PLXNA4: variants seen among roughly 807,000 people sequenced by gnomAD.
PLXNA4 encodes the protein plexin-A4.
Under a neutral mutation model 191.8 loss-of-function variants are expected in PLXNA4, and 44 were observed. The observed-to-expected ratio is 0.23, with a 90% CI of 0.18 to 0.29. The LOEUF is 0.29. PLXNA4 is among the 10% of genes least tolerant of loss of function. PLXNA4 has a pLI of 1.00. For missense variants in PLXNA4, 1,800 were observed against 2,488.8 expected (o/e 0.72, Z 5.89); for synonymous variants, 1,082 against 1,009.5 (o/e 1.07, Z -1.36).
chr7:132,410,840 G>A (rs1253430230), intron 3 of PLXNA4, among the ~76,000 whole-genome samples: 1 of 152,116 alleles, frequency 6.6e-6, no homozygotes, highest in Admixed American at 6.5e-5. Context: ...CCACCCATCT[G>A]TCCATTCCCC....
intron 3 of PLXNA4, among the ~76,000 whole-genome samples, chr7:132,390,537 C>T (rs990589226): frequency 5.9e-5 from 9 of 151,982 alleles, no homozygotes; most frequent in Non-Finnish European, 1.2e-4. Context: ...GCACGTTCTG[C>T]ATATATACCC....
intron 4 of PLXNA4, among the ~76,000 whole-genome samples, chr7:132,265,766 T>C (rs1471078011): frequency 6.6e-6 from 1 of 152,138 alleles, no homozygotes; most frequent in African/African-American, 2.4e-5. Context: ...ACTATGACCC[T>C]GCCAGCCACA....
intron 24 of PLXNA4, among the ~76,000 whole-genome samples, chr7:132,163,096 G>A (rs1795998563): frequency 6.6e-6 from 1 of 152,156 alleles, no homozygotes; most frequent in Non-Finnish European, 1.5e-5. Flanking sequence ...GGTGCCACTT[G>A]CATATCACCC....
At chr7:132,533,648 C>A (rs1167442603) in intron 1 of PLXNA4, among the ~76,000 whole-genome samples, 1 of 152,240 alleles carries the variant, frequency 6.6e-6, no homozygotes, top group Non-Finnish European at 1.5e-5. Context: ...CTGCCCTGCC[C>A]ACCTCGGGGA....
chr7:132,368,660 C>T (rs932808202), intron 3 of PLXNA4, among the ~76,000 whole-genome samples: 8 of 152,216 alleles, frequency 5.3e-5, no homozygotes, highest in Non-Finnish European at 1.2e-4. Context: ...CTCAAAGACA[C>T]CTGCTCTGGG....
intron 24 of PLXNA4, among the ~76,000 whole-genome samples, chr7:132,160,203 T>C (rs1035818589): frequency 6.6e-6 from 1 of 152,166 alleles, no homozygotes; most frequent in African/African-American, 2.4e-5. Flanking sequence ...ATTCACCTGA[T>C]TAGAGGTTGG....
intron 3 of PLXNA4, chr7:132,484,959 C>T (rs1797491354): frequency 1.2e-6 from 2 of 1,614,042 alleles, no homozygotes; most frequent in Non-Finnish European, 1.7e-6. Flanking sequence ...GGTGGGTCTC[C>T]CTCCACTCCA....
intron 3 of PLXNA4, among the ~76,000 whole-genome samples, chr7:132,453,038 G>A (rs964383149): frequency 3.3e-5 from 5 of 152,136 alleles, no homozygotes; most frequent in South Asian, 2.1e-4. Flanking sequence ...AGGGAGCCAC[G>A]CACCACGTTC....
At chr7:132,235,753 C>T (rs10245678) in intron 5 of PLXNA4, among the ~76,000 whole-genome samples, 22,750 of 152,048 alleles carry the variant, frequency 0.15, 1,814 homozygotes, top group Middle Eastern at 0.18. Context: ...TGCCTGGGCA[C>T]GAAGCCATGG....
chr7:132,418,513 G>A (rs1195950820), intron 3 of PLXNA4, among the ~76,000 whole-genome samples: 2 of 152,230 alleles, frequency 1.3e-5, no homozygotes, highest in African/African-American at 4.8e-5. Context: ...AATGCTCTGT[G>A]TGGAGGGATG....
chr7:132,207,592 G>C (rs540681375), intron 10 of PLXNA4, among the ~76,000 whole-genome samples: 1 of 152,178 alleles, frequency 6.6e-6, no homozygotes, highest in Non-Finnish European at 1.5e-5. Flanking sequence ...GCCTGTCCCC[G>C]CATAATGGGG....
intron 2 of PLXNA4, among the ~76,000 whole-genome samples, chr7:132,621,587 A>C (rs1803268886): frequency 6.6e-6 from 1 of 152,100 alleles, no homozygotes; most frequent in African/African-American, 2.4e-5. Flanking sequence ...CATTGCTGCA[A>C]AGGTATCTTA....
rs531404226 is a variant in PLXNA4 at position 132,183,695 on chromosome 7, C to T, written c.3159-1505G>A. Reference sequence around the variant, plus strand: ...AAATCCTGGCATGGCTTTCTACAGACGATTTTCCCCTCTCTGTGCCTTCTG... The same window carrying T: ...AAATCCTGGCATGGCTTTCTACAGATGATTTTCCCCTCTCTGTGCCTTCTG... On this transcript the variant is annotated intron_variant, in intron 16 of 31. Transcript: ENST00000321063. Among the ~76,000 whole-genome samples the T allele has an allele frequency of 7.9e-5, 12 of 152,334 alleles. 2 individuals carry two copies. Among genetic ancestry groups the T allele is most frequent in the African/African-American group, 2.9e-4 (12 of 41,578 alleles).
chr7:132,483,721 G>A (rs759991329), intron 3 of PLXNA4, among the ~76,000 whole-genome samples: 4 of 152,176 alleles, frequency 2.6e-5, no homozygotes, highest in African/African-American at 4.8e-5. Context: ...AGTGGCACAC[G>A]TATCAATAAA....
At chr7:132,347,209 C>CA (rs1286195002) in intron 3 of PLXNA4, among the ~76,000 whole-genome samples, 2 of 152,106 alleles carry the variant, frequency 1.3e-5, no homozygotes, top group African/African-American at 2.4e-5. Flanking sequence ...CCCTTCCCCC[C>CA]AAAAAAGGAG....
chr7:132,365,054 A>G (rs1804099599), intron 3 of PLXNA4, among the ~76,000 whole-genome samples: 1 of 152,156 alleles, frequency 6.6e-6, no homozygotes. Flanking sequence ...ATCCTCGTGA[A>G]TGCCCTTCCT....
intron 16 of PLXNA4, among the ~76,000 whole-genome samples, chr7:132,182,966 A>G (rs578221748): frequency 6.6e-6 from 1 of 152,312 alleles, no homozygotes; most frequent in South Asian, 2.1e-4. Flanking sequence ...GCAGTACTGT[A>G]GTGGACTGTG....
intron 2 of PLXNA4, among the ~76,000 whole-genome samples, chr7:132,588,909 G>T (rs542992977): frequency 1.2e-3 from 188 of 151,866 alleles, no homozygotes; most frequent in African/African-American, 4.1e-3. Flanking sequence ...GAGAGAGAAA[G>T]AAATAGAGAG....
In PLXNA4 at chr7:132,309,333, G is replaced by A. The variant is rs551865556; in HGVS notation, c.1372-11111C>T. Among the ~76,000 whole-genome samples the A allele has an allele frequency of 1.1e-4, 17 of 152,266 alleles. 1 individual carries two copies. In the South Asian group the frequency reaches 3.1e-3, roughly 28 times the overall value. Reference sequence around the variant, plus strand: ...CCAGGGAGGATGGAGGGCAGAGGTGGGGCTGGCAGGATGCTGGGGAGATGC... The same window carrying A: ...CCAGGGAGGATGGAGGGCAGAGGTGAGGCTGGCAGGATGCTGGGGAGATGC... On this transcript the variant is annotated intron_variant, in intron 3 of 31. Coordinates refer to ENST00000321063, the MANE Select transcript of PLXNA4 (RefSeq NM_020911.2).
Sources: allele counts gnomAD v4.1 joint callset (sites outside exome capture counted in the v4.1 genomes callset), GRCh38; gene constraint gnomAD v4.1.1; transcripts MANE v1.5; gene names NCBI Gene and HGNC (gene_info 2026-07-23, HGNC 2026-07-21).